The following ZNF469 variants were observed in gnomAD, a reference collection of about 807,000 sequenced individuals.
ZNF469 encodes zinc finger protein 469.
ZNF469 carries 1 observed loss-of-function variant against 1.0 expected under a neutral mutation model. The ratio of observed to expected loss-of-function variants is 1.00; its 90% confidence interval spans 0.35 to 4.73. The LOEUF (loss-of-function observed/expected upper bound fraction) is 4.73, where lower values mean the gene tolerates loss of function less well. Ranked by LOEUF, ZNF469 falls within the 30% of genes most tolerant of loss-of-function variation. ZNF469 has a pLI of 0.16. For synonymous variants in ZNF469, 2,703 were observed against 2,363.4 expected, an observed-to-expected ratio of 1.14 and a Z score of -4.17; for missense variants, 6,100 against 5,356.3, an observed-to-expected ratio of 1.14 and a Z score of -4.33.
the ZNF469 span, chr16:88,191,823 C>G: frequency 6.6e-6 from 1 of 152,242 alleles, no homozygotes; most frequent in Non-Finnish European, 1.5e-5. Context: ...ATGGTGATGG[C>G]TTTGGAGATT....
the ZNF469 span, among the ~76,000 whole-genome samples, chr16:88,246,969 G>T: frequency 6.6e-6 from 1 of 152,010 alleles, no homozygotes; most frequent in Non-Finnish European, 1.5e-5. Context: ...GTGAATAAGT[G>T]AGTGAATGAG....
chr16:88,325,880 C>T, the ZNF469 span, among the ~76,000 whole-genome samples: 1 of 152,248 alleles, frequency 6.6e-6, no homozygotes, highest in South Asian at 2.1e-4. Context: ...GTGCTCTGCC[C>T]CCTTAGACCT....
the ZNF469 span, among the ~76,000 whole-genome samples, chr16:88,119,647 C>A: frequency 6.6e-6 from 1 of 152,204 alleles, no homozygotes; most frequent in African/African-American, 2.4e-5. Flanking sequence ...GGAAGCTTTT[C>A]CCTACCGGGT....
At chr16:88,367,624 AG>A in the ZNF469 span, among the ~76,000 whole-genome samples, 2 of 152,318 alleles carry the variant, frequency 1.3e-5, no homozygotes, top group African/African-American at 4.8e-5. Context: ...GACCACAAAA[AG>A]GTGTTTGTGT....
chr16:88,364,713 C>T, the ZNF469 span, among the ~76,000 whole-genome samples: 8 of 152,152 alleles, frequency 5.3e-5, no homozygotes, highest in Non-Finnish European at 8.8e-5. Flanking sequence ...CCAGTAATCC[C>T]AGCACTTTGG....
chr16:88,337,833 G>T, the ZNF469 span, among the ~76,000 whole-genome samples: 2 of 152,230 alleles, frequency 1.3e-5, no homozygotes, highest in African/African-American at 4.8e-5. Context: ...TAATGGGGTT[G>T]TCTGGCTTTT....
the ZNF469 span, among the ~76,000 whole-genome samples, chr16:88,291,865 C>T: frequency 3.3e-5 from 5 of 152,132 alleles, no homozygotes; most frequent in South Asian, 8.3e-4. Flanking sequence ...TCCTCCCTGG[C>T]GAGCTGATGT....
In ZNF469 at chr16:88,438,177, C is replaced by A. The variant is rs760186083; in HGVS notation, c.10707C>A (p.Cys3569Ter). The A allele has an allele frequency of 5.8e-6, 9 of 1,548,956 alleles. No individual in the cohort carries two copies. The highest frequency in any genetic ancestry group is 1.4e-5 in the African/African-American group (1 of 73,048). The change falls in exon 3 of 3, where the codon TGC becomes TGA. Residue 3569 changes from cysteine (C) to a stop codon, truncating the protein, a stop_gained. Coordinates refer to ENST00000565624, the MANE Select transcript of ZNF469 (RefSeq NM_001367624.2). LOFTEE classifies it low-confidence loss of function (END_TRUNC). ...CCTTGGCTGATGGCAGAGGAGACTGCGCGCTGGACGGAGCCCTGGAGAGGC... is the reference window on the plus strand; with the variant it reads ...CCTTGGCTGATGGCAGAGGAGACTGAGCGCTGGACGGAGCCCTGGAGAGGC... Reference protein sequence around the residue: ...PAALADGRGDCALDGALERPE... With the variant: ...PAALADGRGD
At chr16:88,426,071 G>A (rs537110765) in intron 2 of ZNF469, among the ~76,000 whole-genome samples, 7 of 152,340 alleles carry the variant, frequency 4.6e-5, no homozygotes, top group Non-Finnish European at 8.8e-5. Context: ...GCTGTAGTGC[G>A]GGAACTCCGG....
rs1446234442 is a variant in ZNF469, at chr16:88,437,992, C to T, written c.10522C>T (p.Leu3508=). ...PILSEGSLPA[L]LHLCSEVAPS... ...CCTGAGTGAGGGCTCTCTCCCGGCCCTGCTCCACCTGTGTTCGGAGGTGGC... is the reference window on the plus strand; with the variant it reads ...CCTGAGTGAGGGCTCTCTCCCGGCCTTGCTCCACCTGTGTTCGGAGGTGGC... Residue 3508 remains leucine, a synonymous_variant, in exon 3 of 3, where the codon CTG becomes TTG. Transcript: ENST00000565624. 1.9e-6 allele frequency: 3 copies of T among 1,549,000 alleles called. No homozygotes were observed. In the East Asian group the frequency reaches 7.3e-5, roughly 38 times the overall value.
At chr16:88,180,310 G>GA in the ZNF469 span, among the ~76,000 whole-genome samples, 11,226 of 145,622 alleles carry the variant, frequency 0.077, 725 homozygotes, top group South Asian at 0.19. Flanking sequence ...GTCTACAAAA[G>GA]AAAAAAAAAA....
At chr16:88,248,773 A>G in the ZNF469 span, among the ~76,000 whole-genome samples, 1 of 152,128 alleles carries the variant, frequency 6.6e-6, no homozygotes, top group South Asian at 2.1e-4. Context: ...AGGTCCAGCC[A>G]CTCATTTCAA....
In ZNF469 at chr16:88,436,001, C is replaced by T. The variant is rs1313569827; in HGVS notation, c.8531C>T (p.Ser2844Phe). The stretch of plus-strand genomic sequence containing the variant: ...GGCCCCACTCCTGATGCCTCTGGCT[C>T]CAGTGCCAAGGATCCTCCAAGCTTG... ...PEGPTPDASG[S>F]SAKDPPSLFD... is the part of the protein sequence containing the mutation. The change falls in exon 3 of 3, where the codon TCC (serine) becomes TTC (phenylalanine). Residue 2844 changes from serine (S) to phenylalanine (F), a missense_variant. Physicochemically the swap from Ser to Phe is radical, Grantham distance 155 (BLOSUM62 -2). Transcript: ENST00000565624. The T allele has an allele frequency of 4.5e-6, 7 of 1,550,122 alleles. No individual in the cohort carries two copies. The African/African-American group carries it at 8.2e-5, about 18-fold the overall frequency.
At chr16:88,405,123 A>G (rs962040318) in intron 1 of ZNF469, among the ~76,000 whole-genome samples, 2 of 151,858 alleles carry the variant, frequency 1.3e-5, no homozygotes, top group African/African-American at 2.4e-5. Flanking sequence ...CAACAATGGG[A>G]GATTGGTGGT....
At chr16:88,185,758 C>T in the ZNF469 span, among the ~76,000 whole-genome samples, 2 of 3,334 alleles carry the variant, frequency 6.0e-4, no homozygotes, top group African/African-American at 1.8e-3. Flanking sequence ...GTGCCCAGAC[C>T]CACAGACACA....
chr16:88,383,882 G>T lies in ZNF469; in HGVS notation c.-192+628G>T, dbSNP rs139321621. Among the ~76,000 whole-genome samples, 1,038 of 152,296 alleles carry T rather than the reference G, an allele frequency of 6.8e-3. 14 individuals are homozygous for T. The highest frequency in any genetic ancestry group is 0.024 in the African/African-American group (989 of 41,580). On this transcript the variant is annotated intron_variant, in intron 1 of 2. Coordinates refer to ENST00000565624, the MANE Select transcript of ZNF469 (RefSeq NM_001367624.2). ...CCCCCAGAGGCTTTTGCAGAGCCGG[G>T]AAGTTGGCTGGACGTCTAGACCCGT...
At chr16:88,347,723 G>A in the ZNF469 span, among the ~76,000 whole-genome samples, 1 of 152,200 alleles carries the variant, frequency 6.6e-6, no homozygotes, top group Non-Finnish European at 1.5e-5. Flanking sequence ...CCCTGCCTCT[G>A]GTCCTCCCAT....
the ZNF469 span, among the ~76,000 whole-genome samples, chr16:88,269,093 C>T: frequency 2.6e-5 from 4 of 152,200 alleles, no homozygotes; most frequent in East Asian, 1.9e-4. Context: ...TCAGCCCTCC[C>T]CTTTCTCACA....
At chr16:88,381,907 G>C (rs750352693), upstream of ZNF469, among the ~76,000 whole-genome samples, 1 of 152,252 alleles carries the variant, frequency 6.6e-6, no homozygotes, top group Admixed American at 6.5e-5. Flanking sequence ...CAGAAGGCCC[G>C]TGGTTAGGCC....
Sources: allele counts gnomAD v4.1 joint callset (sites outside exome capture counted in the v4.1 genomes callset), GRCh38; gene constraint gnomAD v4.1.1; transcripts MANE v1.5; gene names NCBI Gene and HGNC (gene_info 2026-07-23, HGNC 2026-07-21).